HDAC9: variants seen among roughly 807,000 people sequenced by gnomAD.
The protein encoded by HDAC9 is histone deacetylase 9.
A neutral mutation model predicts 139.4 loss-of-function variants in HDAC9; 41 were observed. That is an observed-to-expected ratio of 0.29 (90% CI 0.23 to 0.38). HDAC9 has a LOEUF of 0.38. Among genes scored for constraint, HDAC9 ranks in the 10% least tolerant of loss-of-function variants. The pLI, the probability that HDAC9 is intolerant of heterozygous loss-of-function variation, is 1.00. For missense variants in HDAC9, 1,147 were observed against 1,297.0 expected (o/e 0.88, Z 1.78); for synonymous variants, 517 against 476.2 (o/e 1.09, Z -1.12).
At chr7:18,955,924 A>G (rs368058561) in intron 24 of HDAC9, among the ~76,000 whole-genome samples, 3 of 152,144 alleles carry the variant, frequency 2.0e-5, no homozygotes, top group Non-Finnish European at 2.9e-5. Context: ...ATAGGTATAA[A>G]AAGGCGTAAT....
At chr7:18,736,575 C>T (rs1044534853) in intron 13 of HDAC9, among the ~76,000 whole-genome samples, 12 of 152,066 alleles carry the variant, frequency 7.9e-5, no homozygotes, top group Non-Finnish European at 1.3e-4. Context: ...TGCATCCCAG[C>T]GATGAAGCTG....
At chr7:18,826,124 C>A (rs1220093696) in intron 17 of HDAC9, among the ~76,000 whole-genome samples, 2 of 152,034 alleles carry the variant, frequency 1.3e-5, no homozygotes, top group East Asian at 1.9e-4. Flanking sequence ...AATAAAGGAA[C>A]CCAGATTGCA....
intron 13 of HDAC9, among the ~76,000 whole-genome samples, chr7:18,740,781 G>C (rs1017325304): frequency 1.3e-5 from 2 of 152,198 alleles, no homozygotes; most frequent in Non-Finnish European, 2.9e-5. Context: ...GTTACCCAAG[G>C]TGTGAATAGA....
intron 2 of HDAC9, among the ~76,000 whole-genome samples, chr7:18,187,164 G>T (rs1789979358): frequency 1.3e-5 from 2 of 152,206 alleles, no homozygotes; most frequent in African/African-American, 4.8e-5. Flanking sequence ...ATAACAGTCA[G>T]TGAAAATAAA....
intron 17 of HDAC9, among the ~76,000 whole-genome samples, chr7:18,797,196 A>G (rs1403853277): frequency 2.6e-5 from 4 of 152,224 alleles, no homozygotes; most frequent in African/African-American, 9.6e-5. Flanking sequence ...ATAGGTTAAT[A>G]AATAATAAAA....
At position 18,975,885 on chromosome 7, in the gene HDAC9, A is replaced by G. The variant is rs34282407; in HGVS notation, c.3102A>G (p.Thr1034=). The G allele has an allele frequency of 6.9e-4, 1,117 of 1,613,922 alleles. 4 individuals are homozygous for G. The African/African-American group carries it at 0.011, about 16-fold the overall frequency. Residue 1034 remains threonine (T), a synonymous_variant, in exon 25 of 26, where the codon ACA becomes ACG. Coordinates refer to ENST00000686413, the MANE Select transcript of HDAC9 (RefSeq NM_178425.4). ...CTGGTGCTCAGTTGCAAGAGGAGAC[A>G]GAGACCGTTTCTGCCCTGGCCTCCC... is the stretch of plus-strand genomic sequence containing the variant. ...ALAGAQLQEE[T]ETVSALASLT... is the part of the protein sequence containing the mutation.
intron 22 of HDAC9, among the ~76,000 whole-genome samples, chr7:18,928,202 C>T (rs920365155): frequency 6.6e-6 from 1 of 152,112 alleles, no homozygotes. Flanking sequence ...TCAGTTTTGG[C>T]CTCCATAGAG....
intron 1 of HDAC9, among the ~76,000 whole-genome samples, chr7:18,347,604 C>A (rs535442840): frequency 2.6e-5 from 4 of 151,936 alleles, no homozygotes; most frequent in Non-Finnish European, 5.9e-5. Flanking sequence ...TTTTATCTTA[C>A]GTTATTTTAT....
intron 1 of HDAC9, among the ~76,000 whole-genome samples, chr7:18,367,464 G>T (rs1055075457): frequency 7.2e-5 from 11 of 152,062 alleles, no homozygotes; most frequent in African/African-American, 2.7e-4. Context: ...CACACCTTTT[G>T]CTTTGTTCCT....
chr7:18,237,200 C>G (rs1267395781), intron 2 of HDAC9, among the ~76,000 whole-genome samples: 2 of 152,128 alleles, frequency 1.3e-5, no homozygotes, highest in East Asian at 1.9e-4. Context: ...GTGAAAGAGT[C>G]AACTATTACT....
chr7:18,978,329 G>A (rs754808663), intron 25 of HDAC9, among the ~76,000 whole-genome samples: 18 of 152,088 alleles, frequency 1.2e-4, no homozygotes, highest in Middle Eastern at 3.2e-3. Context: ...TACCACTAGT[G>A]AATAAGGGAT....
intron 23 of HDAC9, among the ~76,000 whole-genome samples, chr7:18,940,439 T>C (rs1781949384): frequency 2.0e-5 from 3 of 152,126 alleles, no homozygotes; most frequent in African/African-American, 7.2e-5. Context: ...ATTTTTTTCT[T>C]TTTCTTGGCA....
chr7:18,180,535 G>C (rs1789338788), intron 2 of HDAC9, among the ~76,000 whole-genome samples: 1 of 152,058 alleles, frequency 6.6e-6, no homozygotes, highest in Non-Finnish European at 1.5e-5. Flanking sequence ...TTAGATCAAA[G>C]AGTGTCAGAA....
intron 12 of HDAC9, among the ~76,000 whole-genome samples, chr7:18,703,731 C>T (rs1284000294): frequency 1.4e-5 from 2 of 147,696 alleles, no homozygotes; most frequent in African/African-American, 5.0e-5. Context: ...TATGATATTT[C>T]CCCCTCTCCT....
chr7:18,833,853 A>G (rs1796034514), intron 19 of HDAC9, among the ~76,000 whole-genome samples: 1 of 152,210 alleles, frequency 6.6e-6, no homozygotes. Context: ...AAAGAAGGCT[A>G]TGATAGTGTC....
At chr7:18,148,303 T>C (rs912209815) in intron 1 of HDAC9, among the ~76,000 whole-genome samples, 4 of 152,180 alleles carry the variant, frequency 2.6e-5, no homozygotes, top group African/African-American at 7.2e-5. Flanking sequence ...GCTTTCCTTT[T>C]TTGGCTTCTA....
intron 1 of HDAC9, among the ~76,000 whole-genome samples, chr7:18,410,578 T>A (rs758728310): frequency 2.5e-4 from 38 of 152,218 alleles, no homozygotes; most frequent in Non-Finnish European, 4.6e-4. Flanking sequence ...TGTACTATAT[T>A]TTAATAAAGA....
At chr7:18,622,604 G>A (rs1419360443) in intron 6 of HDAC9, among the ~76,000 whole-genome samples, 3 of 151,850 alleles carry the variant, frequency 2.0e-5, no homozygotes, top group African/African-American at 7.3e-5. Context: ...TTACGGGTGT[G>A]AGCCACCGTG....
intron 2 of HDAC9, among the ~76,000 whole-genome samples, chr7:18,227,964 A>C (rs923236199): frequency 6.6e-6 from 1 of 152,174 alleles, no homozygotes; most frequent in East Asian, 1.9e-4. Context: ...TTTAAGTCTC[A>C]TGGCAATCTT....
Sources: gnomAD v4.1 joint callset for allele counts (sites outside exome capture counted in the v4.1 genomes callset) on GRCh38, gnomAD v4.1.1 for gene constraint, MANE v1.5 for transcripts, NCBI Gene and HGNC (gene_info 2026-07-23, HGNC 2026-07-21) for gene names.